The following GPI variants were observed in gnomAD, a reference collection of about 807,000 sequenced individuals.
GPI encodes the protein D-hexose-6-phosphate anomerase.
A neutral mutation model predicts 75.8 loss-of-function variants in GPI; 56 were observed. That is an observed-to-expected ratio of 0.74 (90% CI 0.60 to 0.92). GPI has a LOEUF of 0.92. Ranked by LOEUF, GPI falls within the 40% of genes least tolerant of loss-of-function variation. GPI has a pLI of 0.00. For missense variants in GPI, 638 were observed against 741.0 expected (o/e 0.86, Z 1.61); for synonymous variants, 288 against 285.4 (o/e 1.01, Z -0.09).
chr19:34,395,197 C>T (rs8191417), intron 12 of GPI, among the ~76,000 whole-genome samples: 68 of 152,206 alleles, frequency 4.5e-4, no homozygotes, highest in African/African-American at 1.5e-3. Context: ...AGGTGGGTAC[C>T]CAAAGCCTAG....
intron 12 of GPI, 120 bp from the exon 13 acceptor site, chr19:34,396,181 G>A (rs1339296784): frequency 8.5e-6 from 9 of 1,055,142 alleles, no homozygotes; most frequent in Middle Eastern, 2.1e-4. Context: ...CAGGTGATCC[G>A]CCTGCCTTGG....
intron 3 of GPI, 40 bp from the exon 4 acceptor site, chr19:34,368,543 T>C (rs564250555): frequency 6.2e-7 from 1 of 1,612,610 alleles, no homozygotes; most frequent in Admixed American, 1.7e-5. Context: ...CTGCCTGGGG[T>C]TGGGGGGGGC....
chr19:34,398,972 C>T (rs894939090), intron 14 of GPI: 29 of 388,012 alleles, frequency 7.5e-5, no homozygotes, highest in African/African-American at 1.6e-4. Context: ...CCCAAAGTGT[C>T]GGGATTACAG....
At chr19:34,363,356 G>A (rs556895326), upstream of GPI, 4 of 152,440 alleles carry the variant, frequency 2.6e-5, no homozygotes, top group African/African-American at 9.6e-5. Flanking sequence ...GGTTACTATT[G>A]GGCTAGAGTC....
At chr19:34,363,734 C>T (rs1435474914), upstream of GPI, among the ~76,000 whole-genome samples, 3 of 152,138 alleles carry the variant, frequency 2.0e-5, no homozygotes, top group Admixed American at 6.5e-5. Context: ...GCAGGAGAAT[C>T]GCTTGAACCA....
chr19:34,365,361 CCAA>C lies in GPI; in HGVS notation c.99_101del (p.Asn33del), dbSNP rs2074343465. 6.3e-7 allele frequency: 1 copy of C among 1,589,356 alleles called. No homozygotes were observed. The highest frequency in any genetic ancestry group is 8.5e-7 in the Non-Finnish European group (1 of 1,170,016). ...CTGAACCTGCGCCGCCTCTTCGATG[CCAA>C]CAAGGACCGCTTCAACCACTTCAGG... On this transcript the variant is annotated inframe_deletion, in exon 1 of 18. Coordinates refer to ENST00000356487, the MANE Select transcript of GPI (RefSeq NM_000175.5).
intron 4 of GPI, among the ~76,000 whole-genome samples, chr19:34,376,536 C>A (rs527669791): frequency 6.6e-6 from 1 of 151,060 alleles, no homozygotes; most frequent in Non-Finnish European, 1.5e-5. Flanking sequence ...TGTACTCCAG[C>A]CTGGGCGACG....
chr19:34,377,723 G>T lies in GPI; in HGVS notation c.487-12G>T, dbSNP rs1202905911. ...CTGAATTCTTATTCTCTGATGCTAT[G>T]TCTCCCCGCAGGGACCCCTCATGGT... is the stretch of plus-strand genomic sequence containing the variant. On this transcript the variant is annotated splice_polypyrimidine_tract_variant and intron_variant, in intron 5 of 17. Coordinates refer to ENST00000356487, the MANE Select transcript of GPI (RefSeq NM_000175.5). 1 of 1,613,786 alleles carries T rather than the reference G, an allele frequency of 6.2e-7. No individual in the cohort carries two copies. Among genetic ancestry groups the T allele is most frequent in the Non-Finnish European group, 8.5e-7 (1 of 1,179,784 alleles).
Position 34,394,089 on chromosome 19 carries a change from T to C in GPI, c.1062+23T>C, listed in dbSNP as rs1477015357. 3.1e-6 allele frequency: 5 copies of C among 1,599,740 alleles called. No individual in the cohort carries two copies. In the African/African-American group the frequency reaches 6.7e-5, roughly 21 times the overall value. On this transcript the variant is annotated intron_variant, in intron 12 of 17. Transcript: ENST00000356487. ...CAGGTACCAGCTGCCAAGCCAGGCC[T>C]TGGAGTCAGCAAGATTTGTGGGGGG...
chr19:34,378,630 C>T (rs2074589088), intron 6 of GPI, among the ~76,000 whole-genome samples: 1 of 152,310 alleles, frequency 6.6e-6, no homozygotes, highest in Non-Finnish European at 1.5e-5. Flanking sequence ...AGAATTCCAT[C>T]TGAATTCTGA....
In GPI at chr19:34,400,437, C is replaced by G. The variant is rs868073249; in HGVS notation, c.*401C>G. 1.7e-5 allele frequency: 10 copies of G among 586,348 alleles called. No homozygotes were observed. The African/African-American group carries it at 1.9e-4, about 11-fold the overall frequency. 36.3% of individuals were successfully genotyped at this position (586,348 alleles called of 1,614,324 possible). ...GCTGTGCCTCTGCGGACACTTAACA[C>G]TAAGTGGTGAGCGGGTCTAGAGTGG... On this transcript the variant is annotated 3_prime_UTR_variant, in exon 18 of 18. Transcript: ENST00000356487.
At chr19:34,399,051 G>C in intron 14 of GPI, 156 bp from the exon 15 acceptor site, 1 of 607,988 alleles carries the variant, frequency 1.6e-6, no homozygotes, top group African/African-American at 1.8e-5. Flanking sequence ...TCCCTGCCTT[G>C]TGGTGTCATC....
rs140788660 is a variant in GPI, at chr19:34,385,442, G to T, written c.804+3923G>T. Among the ~76,000 whole-genome samples, 183 of 152,218 alleles carry T rather than the reference G, an allele frequency of 1.2e-3. 7 individuals are homozygous for T. The East Asian group carries it at 0.027, about 23-fold the overall frequency. On this transcript the variant is annotated intron_variant, in intron 9 of 17. Coordinates refer to ENST00000356487, the MANE Select transcript of GPI (RefSeq NM_000175.5). ...GTTGAGGAGCTGTGGCCAGGTACAG[G>T]TATGTAGGTATGTGGAATTGAGTTT...
At chr19:34,382,696 G>C (rs1213792008) in intron 9 of GPI, among the ~76,000 whole-genome samples, 1 of 152,110 alleles carries the variant, frequency 6.6e-6, no homozygotes, top group Non-Finnish European at 1.5e-5. Flanking sequence ...AAGGAGCCAA[G>C]CAGATCGGGG....
chr19:34,381,246 G>A (rs2074646320), intron 8 of GPI: 1 of 616,628 alleles, frequency 1.6e-6, no homozygotes, highest in Non-Finnish European at 2.9e-6. Context: ...CAACGTCACT[G>A]GCGTGCTGGT....
intron 4 of GPI, among the ~76,000 whole-genome samples, chr19:34,373,803 T>C (rs2074491821): frequency 1.3e-5 from 2 of 152,216 alleles, no homozygotes; most frequent in African/African-American, 4.8e-5. Context: ...GGGTCTGCTT[T>C]GAAGATGGCT....
chr19:34,399,532 G>A (rs752136708), intron 15 of GPI, 24 bp from the exon 16 acceptor site: 1 of 1,611,852 alleles, frequency 6.2e-7, no homozygotes, highest in Non-Finnish European at 8.5e-7. Context: ...CTCTCTTGGA[G>A]ACATTCCTTG....
In GPI at chr19:34,400,017, G is replaced by A. The variant is rs190789003; in HGVS notation, c.1658G>A (p.Arg553His). 6.8e-6 allele frequency: 11 copies of A among 1,612,664 alleles called. No homozygotes were observed. Among genetic ancestry groups the A allele is most frequent in the East Asian group, 4.5e-5 (2 of 44,888 alleles). The change falls in exon 18 of 18, where the codon CGC becomes CAC. Residue 553 changes from arginine to histidine, a missense_variant. Arg to His is a conservative substitution (Grantham distance 29, BLOSUM62 0). Coordinates refer to ENST00000356487, the MANE Select transcript of GPI (RefSeq NM_000175.5). ...CTCATCAACTTCATCAAGCAGCAGCGCGAGGCCAGAGTCCAATAAACTCGT... is the reference window on the plus strand; with the variant it reads ...CTCATCAACTTCATCAAGCAGCAGCACGAGGCCAGAGTCCAATAAACTCGT... ...NGLINFIKQQ[R>H]EARVQ
At chr19:34,376,445 T>A (rs1265321199) in intron 4 of GPI, among the ~76,000 whole-genome samples, 1 of 151,754 alleles carries the variant, frequency 6.6e-6, no homozygotes, top group Non-Finnish European at 1.5e-5. Context: ...TAATCCCAGC[T>A]ACTTGGGAGG....
Sources: allele counts gnomAD v4.1 joint callset (sites outside exome capture counted in the v4.1 genomes callset), GRCh38; gene constraint gnomAD v4.1.1; transcripts MANE v1.5; gene names NCBI Gene and HGNC (gene_info 2026-07-23, HGNC 2026-07-21).